Variants in KCNK3 observed in about 807,000 individuals in gnomAD.
The protein encoded by KCNK3 is potassium channel subfamily K member 3.
KCNK3 carries 9 observed loss-of-function variants against 27.3 expected under a neutral mutation model. The observed-to-expected ratio is 0.33, with a 90% CI of 0.20 to 0.57. The LOEUF is 0.57. KCNK3 is among the 20% of genes least tolerant of loss of function. The probability of loss-of-function intolerance (pLI) is 0.87; values close to 1 mark genes in which losing one functional copy is unlikely to be tolerated. For missense variants in KCNK3, 391 were observed against 577.7 expected (o/e 0.68, Z 3.31); for synonymous variants, 278 against 273.8 (o/e 1.02, Z -0.15).
At chr2:26,700,785 T>C (rs186785081) in intron 1 of KCNK3, among the ~76,000 whole-genome samples, 1 of 151,970 alleles carries the variant, frequency 6.6e-6, no homozygotes, top group East Asian at 1.9e-4. Context: ...TCATCATATC[T>C]CTCTCTCTGT....
intron 1 of KCNK3, among the ~76,000 whole-genome samples, chr2:26,704,654 C>T (rs1670349969): frequency 2.6e-5 from 4 of 152,230 alleles, no homozygotes; most frequent in African/African-American, 7.2e-5. Flanking sequence ...GGGGCAGGCC[C>T]GCTCCTCCAG....
At position 26,727,673 on chromosome 2, in the gene KCNK3, G is replaced by T; in HGVS notation, c.290G>T (p.Gly97Val). ...CTTTCCCACTTTCCCCCAGGCTACG[G>T]GCACGCGGCACCCAGCACGGATGGC... ...AITVITTIGY[G>V]HAAPSTDGGK... Residue 97 changes from glycine (G) to valine (V), a missense_variant, in exon 2 of 2, where the codon GGG becomes GTG. Gly to Val is a moderately radical substitution (Grantham distance 109). Coordinates refer to ENST00000302909, the MANE Select transcript of KCNK3 (RefSeq NM_002246.3). The T allele has an allele frequency of 6.6e-7, 1 of 1,513,698 alleles. No homozygotes were observed. The highest frequency in any genetic ancestry group is 8.8e-7 in the Non-Finnish European group (1 of 1,130,276). The allele number at this position is 1,513,698 out of a possible 1,614,324, so 93.8% of individuals were successfully genotyped here. A position where few individuals can be genotyped will look rare whatever the true frequency, so the allele number is the denominator to read the frequency against.
chr2:26,705,615 C>A (rs1670362953), intron 1 of KCNK3, among the ~76,000 whole-genome samples: 1 of 152,078 alleles, frequency 6.6e-6, no homozygotes, highest in Non-Finnish European at 1.5e-5. Context: ...TAGGTCATTC[C>A]CGTAGTAGGG....
At position 26,727,677 on chromosome 2, in the gene KCNK3, C is replaced by G. The variant is rs143689341; in HGVS notation, c.294C>G (p.His98Gln). The G allele has an allele frequency of 1.3e-6, 2 of 1,516,150 alleles. No homozygotes were observed. Among genetic ancestry groups the G allele is most frequent in the Non-Finnish European group, 1.8e-6 (2 of 1,131,258 alleles). 93.9% of individuals were successfully genotyped at this position (1,516,150 alleles called of 1,614,324 possible). ...ITVITTIGYG[H>Q]AAPSTDGGKV... Reference sequence around the variant, plus strand: ...CCCACTTTCCCCCAGGCTACGGGCACGCGGCACCCAGCACGGATGGCGGCA... The same window carrying G: ...CCCACTTTCCCCCAGGCTACGGGCAGGCGGCACCCAGCACGGATGGCGGCA... Residue 98 changes from histidine to glutamine, a missense_variant, in exon 2 of 2, where the codon CAC becomes CAG. His to Gln is a conservative substitution (Grantham distance 24, BLOSUM62 0). Coordinates refer to ENST00000302909, the MANE Select transcript of KCNK3 (RefSeq NM_002246.3).
rs1477733168 is a variant in KCNK3, at chr2:26,697,538, G to A, written c.283+4380G>A. Among the ~76,000 whole-genome samples the A allele has an allele frequency of 2.6e-5, 4 of 152,124 alleles. No individual in the cohort carries two copies. In the South Asian group the frequency reaches 6.2e-4, roughly 24 times the overall value. On this transcript the variant is annotated intron_variant, in intron 1 of 1. Coordinates refer to ENST00000302909, the MANE Select transcript of KCNK3 (RefSeq NM_002246.3). Reference sequence around the variant, plus strand: ...CAGCAAAGCCCTCCCCAGAAGCAGGGGGCTTCCTGCTCGAGCACACTCCAG... The same window carrying A: ...CAGCAAAGCCCTCCCCAGAAGCAGGAGGCTTCCTGCTCGAGCACACTCCAG...
intron 1 of KCNK3, among the ~76,000 whole-genome samples, chr2:26,708,489 C>T (rs983545064): frequency 6.6e-6 from 1 of 152,126 alleles, no homozygotes; most frequent in African/African-American, 2.4e-5. Context: ...GCCTGGCCAA[C>T]ATGGTGAAAC....
intron 1 of KCNK3, among the ~76,000 whole-genome samples, chr2:26,718,408 G>T (rs1010653638): frequency 1.3e-5 from 2 of 152,150 alleles, no homozygotes; most frequent in Non-Finnish European, 2.9e-5. Flanking sequence ...TTCCAAGAAC[G>T]CCAGAAGAAC....
At chr2:26,699,251 A>C (rs76984702) in intron 1 of KCNK3, among the ~76,000 whole-genome samples, 3,652 of 134,070 alleles carry the variant, frequency 0.027, 159 homozygotes, top group African/African-American at 0.11. Flanking sequence ...GAAAGAAAGA[A>C]AGCCAGCCAA....
intron 1 of KCNK3, among the ~76,000 whole-genome samples, chr2:26,694,733 T>C (rs112876750): frequency 6.6e-5 from 10 of 152,146 alleles, no homozygotes; most frequent in African/African-American, 2.2e-4. Flanking sequence ...TCTCTTCCAC[T>C]CTCACACCCC....
chr2:26,713,474 G>A (rs1280514905), intron 1 of KCNK3, among the ~76,000 whole-genome samples: 1 of 152,174 alleles, frequency 6.6e-6, no homozygotes, highest in African/African-American at 2.4e-5. Context: ...GCAACACAGA[G>A]CTGGGCTTAG....
chr2:26,693,908 C>A lies in KCNK3; in HGVS notation c.283+750C>A, dbSNP rs1301507890. On this transcript the variant is annotated intron_variant, in intron 1 of 1. Coordinates refer to ENST00000302909, the MANE Select transcript of KCNK3 (RefSeq NM_002246.3). This position sits in a 1 kb window ranked among gnomAD's most constrained non-coding sequence, Gnocchi z 5.5. ...GACTGTCAGACAACACAGGCATAGG[C>A]ACACATGCACACAGATACACACAGG... is the stretch of plus-strand genomic sequence containing the variant. Among the ~76,000 whole-genome samples, 2 of 152,086 alleles carry A rather than the reference C, an allele frequency of 1.3e-5. No homozygotes were observed. Among genetic ancestry groups the A allele is most frequent in the East Asian group, 3.9e-4 (2 of 5,188 alleles).
intron 1 of KCNK3, among the ~76,000 whole-genome samples, chr2:26,695,173 C>A (rs1011486435): frequency 6.6e-6 from 1 of 152,176 alleles, no homozygotes; most frequent in Non-Finnish European, 1.5e-5. Context: ...CTGAGAATAC[C>A]TTAAGTATGC....
chr2:26,733,041 C>T lies in KCNK3; in HGVS notation c.*4473C>T, dbSNP rs1663569310. On this transcript the variant is annotated 3_prime_UTR_variant, in exon 2 of 2. Coordinates refer to ENST00000302909, the MANE Select transcript of KCNK3 (RefSeq NM_002246.3). ...ATTGCCTGAGGTTCTAGCGTGGGCT[C>T]CTTCTCTCCAGATGATGCCATCCCC... is the stretch of plus-strand genomic sequence containing the variant. 6.6e-6 allele frequency: 1 copy of T among 152,352 alleles called. No homozygotes were observed. The highest frequency in any genetic ancestry group is 1.5e-5 in the Non-Finnish European group (1 of 68,130). The allele number at this position is 152,352 out of a possible 1,614,324, so 9.4% of individuals were successfully genotyped here.
intron 1 of KCNK3, among the ~76,000 whole-genome samples, chr2:26,710,048 T>C (rs1663075579): frequency 6.6e-6 from 1 of 152,268 alleles, no homozygotes; most frequent in South Asian, 2.1e-4. Flanking sequence ...TCTTTGATCC[T>C]GCACGTCTGT....
intron 1 of KCNK3, among the ~76,000 whole-genome samples, chr2:26,724,998 T>A (rs1663388398): frequency 6.6e-6 from 1 of 152,034 alleles, no homozygotes; most frequent in African/African-American, 2.4e-5. Context: ...TCCTTGAAGC[T>A]GGGCGCTTTG....
At chr2:26,710,175 C>T (rs968617369) in intron 1 of KCNK3, among the ~76,000 whole-genome samples, 3 of 152,204 alleles carry the variant, frequency 2.0e-5, no homozygotes, top group Non-Finnish European at 4.4e-5. Context: ...TTGCAGGGAA[C>T]CTGGGCCTGC....
chr2:26,728,563 G>A lies in KCNK3; in HGVS notation c.1180G>A (p.Val394Met), dbSNP rs1553387738. The change falls in exon 2 of 2, where the codon GTG (valine) becomes ATG (methionine). Residue 394 changes from valine (V) to methionine (M), a missense_variant. By Grantham distance (21) the Val-to-Met change is conservative (BLOSUM62 1). Around this residue, in one of 4 missense-constraint regions of KCNK3, gnomAD observed 192 missense variants for 196.0 expected, o/e 0.98. Transcript: ENST00000302909. ...CGGCCTCATGAAGCGCAGGAGCTCC[G>A]TGTGACTGCCCCGAGGGGCCTGGAG... ...FRGLMKRRSS[V>M] is the part of the protein sequence containing the mutation. 2 of 1,446,246 alleles carry A rather than the reference G, an allele frequency of 1.4e-6. No individual in the cohort carries two copies. The highest frequency in any genetic ancestry group is 9.1e-7 in the Non-Finnish European group (1 of 1,099,322). 89.6% of individuals were successfully genotyped at this position (1,446,246 alleles called of 1,614,324 possible).
chr2:26,718,179 A>G (rs1663265735), intron 1 of KCNK3, among the ~76,000 whole-genome samples: 1 of 151,712 alleles, frequency 6.6e-6, no homozygotes, highest in African/African-American at 2.4e-5. Context: ...ACCTCAGTGG[A>G]TCCACCTGCC....
intron 1 of KCNK3, among the ~76,000 whole-genome samples, chr2:26,706,959 C>T (rs369728230): frequency 6.6e-6 from 1 of 152,112 alleles, no homozygotes; most frequent in South Asian, 2.1e-4. Flanking sequence ...CAGTTGGGGC[C>T]GTCTCTGTTG....
Sources: allele counts gnomAD v4.1 joint callset (sites outside exome capture counted in the v4.1 genomes callset), GRCh38; gene constraint gnomAD v4.1.1; regional missense constraint gnomAD v4.1.1; non-coding constraint Gnocchi (gnomAD v3.1); transcripts MANE v1.5; gene names NCBI Gene and HGNC (gene_info 2026-07-23, HGNC 2026-07-21).